DAG1: variants seen among roughly 807,000 people sequenced by gnomAD.
The protein encoded by DAG1 is dystroglycan 1.
A neutral mutation model predicts 46.1 loss-of-function variants in DAG1; 8 were observed. The ratio of observed to expected loss-of-function variants is 0.17; its 90% CI spans 0.10 to 0.31. The LOEUF (loss-of-function observed/expected upper bound fraction) is 0.31. DAG1 is among the 10% of genes least tolerant of loss of function. DAG1 has a pLI of 1.00. For synonymous variants in DAG1, 495 were observed against 481.8 expected, an observed-to-expected ratio of 1.03 and a Z score of -0.36; for missense variants, 1,003 against 1,189.9, an observed-to-expected ratio of 0.84 and a Z score of 2.31.
chr3:49,476,163 G>A (rs533620250), intron 1 of DAG1, among the ~76,000 whole-genome samples: 4 of 152,316 alleles, frequency 2.6e-5, no homozygotes, highest in Non-Finnish European at 5.9e-5. Context: ...ACGAACTTTA[G>A]CAGTATGTTG....
intron 1 of DAG1, among the ~76,000 whole-genome samples, chr3:49,481,528 T>G (rs1254371176): frequency 6.6e-6 from 1 of 152,184 alleles, no homozygotes; most frequent in African/African-American, 2.4e-5. Context: ...GTCCCTTTTC[T>G]GTGACTTGCA....
intron 2 of DAG1, among the ~76,000 whole-genome samples, chr3:49,512,959 T>A (rs1041038134): frequency 2.0e-5 from 3 of 152,180 alleles, no homozygotes; most frequent in Admixed American, 2.0e-4. Flanking sequence ...GACCTATACT[T>A]TGTTAGGTAT....
At chr3:49,475,741 G>A (rs1490148110) in intron 1 of DAG1, among the ~76,000 whole-genome samples, 1 of 145,262 alleles carries the variant, frequency 6.9e-6, no homozygotes, top group Non-Finnish European at 1.5e-5. Context: ...CTGTCACCCA[G>A]GCTGGAGTGT....
chr3:49,514,897 T>C (rs1244025643), intron 2 of DAG1, among the ~76,000 whole-genome samples: 1 of 151,984 alleles, frequency 6.6e-6, no homozygotes, highest in East Asian at 1.9e-4. Context: ...TCTTGCTCTT[T>C]CGTCCAGGCT....
chr3:49,520,159 A>G (rs923004114), intron 2 of DAG1, among the ~76,000 whole-genome samples: 1 of 152,220 alleles, frequency 6.6e-6, no homozygotes. Flanking sequence ...TCTGACCTTA[A>G]GCTAGAGGCT....
intron 2 of DAG1, among the ~76,000 whole-genome samples, chr3:49,527,619 C>T (rs1377432706): frequency 2.6e-5 from 4 of 151,814 alleles, no homozygotes; most frequent in Non-Finnish European, 5.9e-5. Context: ...AGGAGAATGG[C>T]GTGATCCCGG....
chr3:49,528,834 C>CTGA (rs1267398328), intron 2 of DAG1, among the ~76,000 whole-genome samples: 1 of 150,352 alleles, frequency 6.7e-6, no homozygotes, highest in Admixed American at 6.6e-5. Context: ...AATGATAACC[C>CTGA]TGATAATAAT....
intron 2 of DAG1, among the ~76,000 whole-genome samples, chr3:49,523,745 C>G (rs2051099039): frequency 6.6e-6 from 1 of 152,188 alleles, no homozygotes; most frequent in Non-Finnish European, 1.5e-5. Flanking sequence ...TGGTTCTTCT[C>G]AGAGCCCATG....
At chr3:49,508,050 T>C (rs2050655054) in intron 1 of DAG1, among the ~76,000 whole-genome samples, 1 of 152,094 alleles carries the variant, frequency 6.6e-6, no homozygotes, top group Non-Finnish European at 1.5e-5. Flanking sequence ...CTCTTTTTTC[T>C]TGTATCATTC....
chr3:49,489,774 C>T (rs1358933532), intron 1 of DAG1, among the ~76,000 whole-genome samples: 2 of 151,984 alleles, frequency 1.3e-5, no homozygotes, highest in Non-Finnish European at 2.9e-5. Flanking sequence ...TTTAAAGTAT[C>T]CTCACTTCCC....
rs1200550272 is a variant in DAG1 at position 49,532,497 on chromosome 3, C to T, written c.1986C>T (p.Asn662=). The change falls in exon 3 of 3, where the codon AAC becomes AAT. Residue 662 remains asparagine, a synonymous_variant. Transcript: ENST00000308775. This position sits in a 1 kb window ranked among gnomAD's most constrained non-coding sequence, Gnocchi z 5.4. The stretch of plus-strand genomic sequence containing the variant: ...CCATCGTGGTGGAATGGACCAACAA[C>T]ACACTGCCCTTGGAGCCCTGCCCCA... ...RGSIVVEWTN[N]TLPLEPCPKE... The T allele has an allele frequency of 4.3e-6, 7 of 1,614,060 alleles. No individual in the cohort carries two copies. The highest frequency in any genetic ancestry group is 5.9e-6 in the Non-Finnish European group (7 of 1,180,032).
chr3:49,511,884 A>G (rs1052557085), intron 2 of DAG1, among the ~76,000 whole-genome samples: 1 of 152,250 alleles, frequency 6.6e-6, no homozygotes, highest in African/African-American at 2.4e-5. Flanking sequence ...CTGCCTGTGT[A>G]GTGTTAAAGT....
At chr3:49,480,267 CTTTTTTTTTTT>C (rs1043834393) in intron 1 of DAG1, among the ~76,000 whole-genome samples, 1 of 100,012 alleles carries the variant, frequency 1.0e-5, no homozygotes, top group African/African-American at 3.6e-5. Flanking sequence ...TATAACATTT[CTTTTTTTTTTT>C]TTTTTTTTTG....
At chr3:49,526,007 T>C (rs948037060) in intron 2 of DAG1, among the ~76,000 whole-genome samples, 1 of 152,062 alleles carries the variant, frequency 6.6e-6, no homozygotes, top group Non-Finnish European at 1.5e-5. Flanking sequence ...CCTGCCAGCA[T>C]GCCCAGCTAA....
intron 1 of DAG1, among the ~76,000 whole-genome samples, chr3:49,474,026 C>T (rs746187006): frequency 5.3e-5 from 8 of 151,810 alleles, no homozygotes; most frequent in Non-Finnish European, 1.0e-4. Context: ...TAGCTAGGAC[C>T]ACAGGCGCAC....
At chr3:49,517,572 C>G (rs1159405134) in intron 2 of DAG1, among the ~76,000 whole-genome samples, 2 of 152,114 alleles carry the variant, frequency 1.3e-5, no homozygotes, top group African/African-American at 4.8e-5. Flanking sequence ...CATCTTTGAG[C>G]CAGAGCAGAA....
At position 49,510,433 on chromosome 3, in the gene DAG1, G is replaced by GGGAT; in HGVS notation, c.-98_-95dup. On this transcript the variant is annotated 5_prime_UTR_variant, in exon 2 of 3. In the 5' UTR this introduces an upstream ATG that the reference lacks. Transcript: ENST00000308775. The stretch of plus-strand genomic sequence containing the variant: ...TTTTTTTTCAGGCTCTGTGTGCTCC[G>GGGAT]GGATGGAGCAGGTGTGCAGAGGGTG... The GGGAT allele has an allele frequency of 8.9e-7, 1 of 1,128,704 alleles. No homozygotes were observed. Among genetic ancestry groups the GGGAT allele is most frequent in the Non-Finnish European group, 1.3e-6 (1 of 749,512 alleles). 69.9% of individuals were successfully genotyped at this position (1,128,704 alleles called of 1,614,324 possible).
At chr3:49,525,840 G>C (rs1466461662) in intron 2 of DAG1, among the ~76,000 whole-genome samples, 1 of 151,212 alleles carries the variant, frequency 6.6e-6, no homozygotes, top group Non-Finnish European at 1.5e-5. Context: ...TTACAGGCGT[G>C]AGCCACCGCG....
chr3:49,528,012 G>A (rs1000722873), intron 2 of DAG1, among the ~76,000 whole-genome samples: 2 of 151,980 alleles, frequency 1.3e-5, no homozygotes, highest in Non-Finnish European at 2.9e-5. Flanking sequence ...ATAACCCTCA[G>A]GTGACCAAAA....
Sources: allele counts gnomAD v4.1 joint callset (sites outside exome capture counted in the v4.1 genomes callset), GRCh38; gene constraint gnomAD v4.1.1; non-coding constraint Gnocchi (gnomAD v3.1); transcripts MANE v1.5; gene names NCBI Gene and HGNC (gene_info 2026-07-23, HGNC 2026-07-21).